Variants in TRIM14 observed in about 807,000 individuals in gnomAD.
TRIM14 encodes the protein tripartite motif-containing protein 14.
Under a neutral mutation model 44.5 loss-of-function variants are expected in TRIM14, and 28 were observed. The observed-to-expected ratio is 0.63, with a 90% CI of 0.47 to 0.86. TRIM14 has a LOEUF of 0.86. TRIM14 is among the 40% of genes least tolerant of loss of function. The probability of loss-of-function intolerance (pLI) is 0.00; values close to 1 mark genes in which losing one functional copy is unlikely to be tolerated. For missense variants in TRIM14, 607 were observed against 611.1 expected, an observed-to-expected ratio of 0.99 and a Z score of 0.07; for synonymous variants, 299 against 269.2, an observed-to-expected ratio of 1.11 and a Z score of -1.08.
At chr9:98,037,223 CA>C in the TRIM14 span, among the ~76,000 whole-genome samples, 1 of 151,978 alleles carries the variant, frequency 6.6e-6, no homozygotes, top group African/African-American at 2.4e-5. Context: ...ACTAAAAATA[CA>C]AAAATAAGCT....
the TRIM14 span, among the ~76,000 whole-genome samples, chr9:98,047,979 C>T: frequency 7.9e-5 from 12 of 151,388 alleles, no homozygotes; most frequent in East Asian, 3.9e-4. Context: ...GCAGAAGAAT[C>T]GCTTGAACCC....
rs1247701484 is a variant in TRIM14 at position 98,097,108 on chromosome 9, C to T, written c.538-2079G>A. Among the ~76,000 whole-genome samples, 7 of 152,242 alleles carry T rather than the reference C, an allele frequency of 4.6e-5. No individual in the cohort carries two copies. The East Asian group carries it at 1.4e-3, about 29-fold the overall frequency. ...CTTCCAGGGGCTGAGGCAGGAGAATCCCTTGAACCTGGGAGGCAAAGGTTG... is the reference window on the plus strand; with the variant it reads ...CTTCCAGGGGCTGAGGCAGGAGAATTCCTTGAACCTGGGAGGCAAAGGTTG... On this transcript the variant is annotated intron_variant, in intron 3 of 5. Coordinates refer to ENST00000341469, the MANE Select transcript of TRIM14 (RefSeq NM_014788.4).
At chr9:98,056,695 G>C in the TRIM14 span, 1 of 1,439,166 alleles carries the variant, frequency 6.9e-7, no homozygotes, top group East Asian at 2.8e-5. Flanking sequence ...GCGGGCTGAC[G>C]TGGCGGGGCT....
intron 3 of TRIM14, among the ~76,000 whole-genome samples, chr9:98,096,107 C>T (rs1389855397): frequency 6.6e-6 from 1 of 152,116 alleles, no homozygotes; most frequent in Admixed American, 6.5e-5. Context: ...GGCAGTGCTG[C>T]CCACCCGAGA....
At chr9:98,050,871 T>C in the TRIM14 span, among the ~76,000 whole-genome samples, 2 of 152,102 alleles carry the variant, frequency 1.3e-5, no homozygotes, top group African/African-American at 4.8e-5. Context: ...CCTCCTGGGT[T>C]TAAGCGATTC....
downstream of TRIM14, among the ~76,000 whole-genome samples, chr9:98,082,488 TTCTG>T (rs1201154116): frequency 1.3e-5 from 2 of 152,212 alleles, no homozygotes; most frequent in African/African-American, 4.8e-5. Context: ...TCCACGTACA[TTCTG>T]TAATATCACC....
chr9:98,048,929 A>G, the TRIM14 span, among the ~76,000 whole-genome samples: 3 of 151,344 alleles, frequency 2.0e-5, no homozygotes, highest in Admixed American at 6.6e-5. Flanking sequence ...GCGAGACAGG[A>G]GAATTGCTTG....
At chr9:98,073,271 CTTTTTTTTTTTTTT>C (rs10606237) in intron 6 of TRIM14, among the ~76,000 whole-genome samples, 14 of 57,824 alleles carry the variant, frequency 2.4e-4, no homozygotes, top group Admixed American at 4.3e-4. Flanking sequence ...TCACCATGGG[CTTTTTTTTTTTTTT>C]TTTTTTTTTT....
chr9:98,059,729 TG>T, the TRIM14 span, among the ~76,000 whole-genome samples: 4 of 151,972 alleles, frequency 2.6e-5, no homozygotes, highest in African/African-American at 4.8e-5. Flanking sequence ...GAGTGTTTTT[TG>T]TTTTTTTTTT....
the TRIM14 span, among the ~76,000 whole-genome samples, chr9:98,048,672 T>C: frequency 6.6e-6 from 1 of 152,360 alleles, no homozygotes; most frequent in African/African-American, 2.4e-5. Context: ...ATATTAGGTT[T>C]GCTAAATGCT....
chr9:98,042,407 G>A, the TRIM14 span, among the ~76,000 whole-genome samples: 1 of 151,178 alleles, frequency 6.6e-6, no homozygotes. Flanking sequence ...TGTTTTTCAA[G>A]CATTTATTCC....
chr9:98,076,185 T>C (rs1046199014), intron 6 of TRIM14: 2 of 152,160 alleles, frequency 1.3e-5, no homozygotes, highest in African/African-American at 4.8e-5. Flanking sequence ...TTTTCCCCCT[T>C]TCGCCAAGAA....
At chr9:98,073,263 A>G (rs1406712335) in intron 6 of TRIM14, among the ~76,000 whole-genome samples, 1 of 94,728 alleles carries the variant, frequency 1.1e-5, no homozygotes, top group African/African-American at 4.1e-5. Flanking sequence ...CCAGCTCATC[A>G]CCATGGGCTT....
At chr9:98,060,927 A>C in the TRIM14 span, 617 of 1,614,196 alleles carry the variant, frequency 3.8e-4, no homozygotes, top group Non-Finnish European at 5.0e-4. Flanking sequence ...TTCAGCCATG[A>C]CCAGTACAGG....
At chr9:98,041,807 C>T in the TRIM14 span, among the ~76,000 whole-genome samples, 1 of 151,386 alleles carries the variant, frequency 6.6e-6, no homozygotes, top group Admixed American at 6.6e-5. Flanking sequence ...CTCAGCCTCC[C>T]GAGTAGCTGG....
intron 2 of TRIM14, among the ~76,000 whole-genome samples, chr9:98,103,836 C>CAAAAAAAAA (rs60368742): frequency 5.4e-5 from 4 of 74,572 alleles, no homozygotes; most frequent in Admixed American, 3.2e-4. Flanking sequence ...GACTCCGTCT[C>CAAAAAAAAA]AAAAAAAAAA....
intron 6 of TRIM14, chr9:98,076,737 A>G (rs1304016143): frequency 1.7e-6 from 1 of 581,806 alleles, no homozygotes; most frequent in Non-Finnish European, 3.0e-6. Context: ...GGTGGATGCA[A>G]ATGAATGTTT....
At chr9:98,051,997 A>G in the TRIM14 span, among the ~76,000 whole-genome samples, 30 of 152,180 alleles carry the variant, frequency 2.0e-4, no homozygotes, top group Admixed American at 2.0e-3. Context: ...CCTAACTGCC[A>G]TTAGCCATCC....
the TRIM14 span, chr9:98,056,906 T>C: frequency 5.6e-6 from 9 of 1,610,360 alleles, no homozygotes; most frequent in Middle Eastern, 5.0e-4. Context: ...CAGGGCGACC[T>C]GGACGTAGCC....
Sources: allele counts gnomAD v4.1 joint callset (sites outside exome capture counted in the v4.1 genomes callset), GRCh38; gene constraint gnomAD v4.1.1; transcripts MANE v1.5; gene names NCBI Gene and HGNC (gene_info 2026-07-23, HGNC 2026-07-21).